Variants in SPIN1 observed in about 807,000 individuals in gnomAD.
SPIN1 encodes spindlin 1.
SPIN1 carries 3 observed loss-of-function variants against 26.0 expected under a neutral mutation model. That is an observed-to-expected ratio of 0.12 (90% CI 0.05 to 0.30). SPIN1 has a LOEUF of 0.30. Among genes scored for constraint, SPIN1 ranks in the 10% least tolerant of loss-of-function variants. The pLI, the probability that SPIN1 is intolerant of heterozygous loss-of-function variation, is 1.00. For synonymous variants in SPIN1, 101 were observed against 116.5 expected, an observed-to-expected ratio of 0.87 and a Z score of 0.86; for missense variants, 126 against 333.4, an observed-to-expected ratio of 0.38 and a Z score of 4.84.
At chr9:88,426,051 C>T (rs1232648368) in intron 1 of SPIN1, among the ~76,000 whole-genome samples, 1 of 152,156 alleles carries the variant, frequency 6.6e-6, no homozygotes, top group Non-Finnish European at 1.5e-5. Flanking sequence ...CAGCATCCAC[C>T]CTTTTCTGAT....
intron 1 of SPIN1, among the ~76,000 whole-genome samples, chr9:88,408,376 C>CT (rs1177261349): frequency 0.011 from 1,241 of 115,410 alleles, 9 homozygotes; most frequent in Non-Finnish European, 0.016. Context: ...TCCTTTTTTT[C>CT]TTTTTTTTTT....
intron 3 of SPIN1, among the ~76,000 whole-genome samples, chr9:88,452,204 C>G (rs1828368412): frequency 6.6e-6 from 1 of 152,126 alleles, no homozygotes; most frequent in African/African-American, 2.4e-5. Flanking sequence ...TTCATGATAG[C>G]CCTGTCAAGT....
chr9:88,454,607 A>T (rs534397410), intron 3 of SPIN1, among the ~76,000 whole-genome samples: 1 of 152,260 alleles, frequency 6.6e-6, no homozygotes, highest in Non-Finnish European at 1.5e-5. Flanking sequence ...TTAAATATAC[A>T]TAAAAATATA....
intron 2 of SPIN1, among the ~76,000 whole-genome samples, chr9:88,429,949 T>C (rs1327994177): frequency 6.6e-6 from 1 of 152,106 alleles, no homozygotes; most frequent in African/African-American, 2.4e-5. Context: ...AGGCCAAATA[T>C]ATATATTTCA....
intron 4 of SPIN1, among the ~76,000 whole-genome samples, chr9:88,464,631 T>C (rs1828625752): frequency 6.6e-6 from 1 of 152,242 alleles, no homozygotes; most frequent in Non-Finnish European, 1.5e-5. Context: ...TTTCCCACTA[T>C]CTATTTGGAA....
chr9:88,409,518 T>C (rs1827392186), intron 1 of SPIN1, among the ~76,000 whole-genome samples: 1 of 151,812 alleles, frequency 6.6e-6, no homozygotes, highest in South Asian at 2.1e-4. Context: ...GGTTCAGTTT[T>C]AGGGATAAAG....
intron 4 of SPIN1, among the ~76,000 whole-genome samples, chr9:88,464,035 G>A (rs867065844): frequency 3.4e-4 from 51 of 152,234 alleles, no homozygotes; most frequent in African/African-American, 1.2e-3. Context: ...TTTTGTCATC[G>A]AAGGATAGAA....
intron 2 of SPIN1, among the ~76,000 whole-genome samples, chr9:88,430,423 A>G (rs924124058): frequency 6.6e-6 from 1 of 152,168 alleles, no homozygotes; most frequent in Non-Finnish European, 1.5e-5. Context: ...ACTGCATTCT[A>G]TTCATTGAGG....
At chr9:88,457,776 A>G in intron 3 of SPIN1, 1 of 937,752 alleles carries the variant, frequency 1.1e-6, no homozygotes, top group Non-Finnish European at 1.3e-6. Flanking sequence ...CTTTACCTGA[A>G]AGAATTACCA....
At chr9:88,462,219 C>T (rs1040021842) in intron 3 of SPIN1, among the ~76,000 whole-genome samples, 2 of 152,102 alleles carry the variant, frequency 1.3e-5, no homozygotes, top group Non-Finnish European at 2.9e-5. Flanking sequence ...AATAGTAGGG[C>T]TTAAGTTGCT....
intron 1 of SPIN1, among the ~76,000 whole-genome samples, chr9:88,419,869 T>C (rs1363366158): frequency 3.3e-5 from 5 of 152,224 alleles, no homozygotes; most frequent in African/African-American, 7.2e-5. Flanking sequence ...TGAGGTGTTA[T>C]CGGACCTTTC....
chr9:88,438,640 T>C (rs1828056472), intron 2 of SPIN1, among the ~76,000 whole-genome samples: 1 of 152,178 alleles, frequency 6.6e-6, no homozygotes, highest in African/African-American at 2.4e-5. Context: ...CTTACTGATT[T>C]TATGCCTTCT....
intron 2 of SPIN1, among the ~76,000 whole-genome samples, chr9:88,429,763 C>G (rs1375311531): frequency 6.6e-6 from 1 of 152,066 alleles, no homozygotes; most frequent in Non-Finnish European, 1.5e-5. Flanking sequence ...AACCTTCAGC[C>G]CCTGTCCCGT....
At chr9:88,469,003 T>C (rs894030314) in intron 5 of SPIN1, among the ~76,000 whole-genome samples, 3 of 152,222 alleles carry the variant, frequency 2.0e-5, no homozygotes, top group Non-Finnish European at 4.4e-5. Flanking sequence ...ATTTTGAATC[T>C]AATCCCAAGA....
intron 1 of SPIN1, among the ~76,000 whole-genome samples, chr9:88,407,870 C>T (rs569019961): frequency 6.6e-6 from 1 of 151,716 alleles, no homozygotes; most frequent in South Asian, 2.1e-4. Flanking sequence ...AAATGATCCT[C>T]CTACCTCAGC....
chr9:88,475,559 G>A lies in SPIN1; in HGVS notation c.*282G>A, dbSNP rs1828872718. 2 of 277,186 alleles carry A rather than the reference G, an allele frequency of 7.2e-6. No individual in the cohort carries two copies. The allele number at this position is 277,186 out of a possible 1,614,324, so 17.2% of individuals were successfully genotyped here. On this transcript the variant is annotated 3_prime_UTR_variant, in exon 6 of 6. Transcript: ENST00000375859. ...GCTAGTATCATAGTCATTTAAAATT[G>A]TAATAGATCTTAACCATTTTCCCCC...
chr9:88,398,953 T>A (rs1827127483), intron 1 of SPIN1, among the ~76,000 whole-genome samples: 1 of 151,992 alleles, frequency 6.6e-6, no homozygotes, highest in Non-Finnish European at 1.5e-5. Context: ...GGAAAACGTA[T>A]ATGGGATATG....
At chr9:88,441,414 T>TGTGTGTGTGTGCGCGCGC in intron 2 of SPIN1, among the ~76,000 whole-genome samples, 5 of 141,204 alleles carry the variant, frequency 3.5e-5, no homozygotes, top group African/African-American at 1.5e-4. Context: ...TGTGTGTGTG[T>TGTGTGTGTGTGCGCGCGC]GCGCGCGCGC....
intron 1 of SPIN1, among the ~76,000 whole-genome samples, chr9:88,414,439 G>C (rs1334146173): frequency 1.3e-5 from 2 of 152,172 alleles, no homozygotes; most frequent in Non-Finnish European, 2.9e-5. Flanking sequence ...GATTTAAAGG[G>C]CACCAACTGG....
Sources: gnomAD v4.1 joint callset for allele counts (sites outside exome capture counted in the v4.1 genomes callset) on GRCh38, gnomAD v4.1.1 for gene constraint, MANE v1.5 for transcripts, NCBI Gene and HGNC (gene_info 2026-07-23, HGNC 2026-07-21) for gene names.